The following ZNF148 variants were observed in gnomAD, a reference collection of about 807,000 sequenced individuals.
The protein encoded by ZNF148 is zinc finger protein 148.
Under a neutral mutation model 67.7 loss-of-function variants are expected in ZNF148, and 7 were observed. That is an observed-to-expected ratio of 0.10 (90% confidence interval 0.06 to 0.19). The LOEUF is 0.19. Among genes scored for constraint, ZNF148 ranks in the 10% least tolerant of loss-of-function variants. The pLI, the probability that ZNF148 is intolerant of heterozygous loss-of-function variation, is 1.00. For synonymous variants in ZNF148, 333 were observed against 330.7 expected (o/e 1.01, Z -0.08); for missense variants, 583 against 947.1 (o/e 0.62, Z 5.05).
chr3:125,287,484 C>A (rs1326101471), intron 5 of ZNF148, among the ~76,000 whole-genome samples: 3 of 152,010 alleles, frequency 2.0e-5, no homozygotes, highest in African/African-American at 7.2e-5. Context: ...GTAAGAAATT[C>A]AAAAATTAGC....
chr3:125,255,449 G>C (rs576369938), intron 7 of ZNF148, among the ~76,000 whole-genome samples: 51 of 151,914 alleles, frequency 3.4e-4, no homozygotes, highest in African/African-American at 1.2e-3. Context: ...GTTTCCCCAT[G>C]TTGGCCAGGC....
chr3:125,355,943 C>G (rs1942326729), intron 1 of ZNF148, among the ~76,000 whole-genome samples: 1 of 152,118 alleles, frequency 6.6e-6, no homozygotes, highest in Non-Finnish European at 1.5e-5. Flanking sequence ...AGATTAATGA[C>G]ATTAACTTAA....
Position 125,232,278 on chromosome 3 carries a change from GTAACCCCACTC to G in ZNF148, c.*52_*62del, listed in dbSNP as rs1935884202. 6.6e-7 allele frequency: 1 copy of G among 1,510,858 alleles called. No homozygotes were observed. Among genetic ancestry groups the G allele is most frequent in the Non-Finnish European group, 8.8e-7 (1 of 1,130,364 alleles). The allele number at this position is 1,510,858 out of a possible 1,614,324, so 93.6% of individuals were successfully genotyped here. A position where few individuals can be genotyped will look rare whatever the true frequency, so the allele number is the denominator to read the frequency against. ...CTGTACAGCACTCCATTTACACAGA[GTAACCCCACTC>G]TTGATTAATCTGTTCTAAAGTGCCA... On this transcript the variant is annotated 3_prime_UTR_variant, in exon 9 of 9. Coordinates refer to ENST00000360647, the MANE Select transcript of ZNF148 (RefSeq NM_021964.3). This position sits in a 1 kb window ranked among gnomAD's most constrained non-coding sequence, Gnocchi z 4.2.
chr3:125,233,968 T>C lies in ZNF148; in HGVS notation c.787-29A>G, dbSNP rs765517397. 2 of 1,543,654 alleles carry C rather than the reference T, an allele frequency of 1.3e-6. No homozygotes were observed. Among genetic ancestry groups the C allele is most frequent in the Non-Finnish European group, 1.7e-6 (2 of 1,155,190 alleles). On this transcript the variant is annotated intron_variant, in intron 8 of 8. Coordinates refer to ENST00000360647, the MANE Select transcript of ZNF148 (RefSeq NM_021964.3). This position sits in a 1 kb window ranked among gnomAD's most constrained non-coding sequence, Gnocchi z 5.1. ...TTGAATTCAGAGGATGGTAGTGGGT[T>C]GTTTGTGGTTTTGGTCAACCAAGAA...
intron 1 of ZNF148, among the ~76,000 whole-genome samples, chr3:125,340,553 C>T (rs1941670906): frequency 6.6e-6 from 1 of 152,204 alleles, no homozygotes; most frequent in African/African-American, 2.4e-5. Flanking sequence ...GGGGAAACCC[C>T]TTCCAGTGGG....
At chr3:125,237,766 G>T (rs1156829740) in intron 7 of ZNF148, among the ~76,000 whole-genome samples, 2 of 152,214 alleles carry the variant, frequency 1.3e-5, no homozygotes, top group Middle Eastern at 3.4e-3. Flanking sequence ...TCCTCAAACT[G>T]ATCTACAGAT....
intron 5 of ZNF148, among the ~76,000 whole-genome samples, chr3:125,281,079 T>G (rs1314813862): frequency 1.3e-5 from 2 of 152,224 alleles, no homozygotes; most frequent in Non-Finnish European, 2.9e-5. Flanking sequence ...CTATACTATA[T>G]GCAGATCAGT....
At position 125,232,986 on chromosome 3, in the gene ZNF148, C is replaced by A; in HGVS notation, c.1740G>T (p.Glu580Asp). Residue 580 changes from glutamate to aspartate, a missense_variant, in exon 9 of 9, where the codon GAG (glutamate) becomes GAT (aspartate). Physicochemically the swap from Glu to Asp is conservative, Grantham distance 45. This residue lies in a region of ZNF148 where 172 missense variants were observed against 307.7 expected (regional missense o/e 0.56). Coordinates refer to ENST00000360647, the MANE Select transcript of ZNF148 (RefSeq NM_021964.3). This position sits in a 1 kb window ranked among gnomAD's most constrained non-coding sequence, Gnocchi z 4.2. The stretch of plus-strand genomic sequence containing the variant: ...ATCCAACATTCTCTGACGGGGTGAC[C>A]TCTGGTACTTCTGAAGAATTTATTG... ...SISINSSEVP[E>D]VTPSENVGSS... The A allele has an allele frequency of 6.2e-7, 1 of 1,613,752 alleles. No homozygotes were observed. The highest frequency in any genetic ancestry group is 8.5e-7 in the Non-Finnish European group (1 of 1,179,846).
In ZNF148 at chr3:125,261,388, C is replaced by T. The variant is rs76559445; in HGVS notation, c.667+16338G>A. ...ACTGTGGCTTTCTGTTGGAGTAACA[C>T]AGTCAGGTGAATAAAAAGATCATTA... is the stretch of plus-strand genomic sequence containing the variant. On this transcript the variant is annotated intron_variant, in intron 7 of 8. Coordinates refer to ENST00000360647, the MANE Select transcript of ZNF148 (RefSeq NM_021964.3). 1.9e-3 allele frequency among the ~76,000 whole-genome samples: 287 copies of T among 152,256 alleles called. 9 individuals are homozygous for T. In the East Asian group the frequency reaches 0.043, roughly 23 times the overall value.
chr3:125,345,882 C>T (rs1405498930), intron 1 of ZNF148, among the ~76,000 whole-genome samples: 1 of 152,098 alleles, frequency 6.6e-6, no homozygotes, highest in Non-Finnish European at 1.5e-5. Context: ...GCTCAGATGG[C>T]TTCACTGGTG....
intron 1 of ZNF148, among the ~76,000 whole-genome samples, chr3:125,366,282 G>C (rs2107791402): frequency 6.6e-6 from 1 of 152,292 alleles, no homozygotes; most frequent in Non-Finnish European, 1.5e-5. Context: ...TGGGTAAACA[G>C]AAGAGCCAAG....
intron 4 of ZNF148, among the ~76,000 whole-genome samples, chr3:125,290,896 AACAG>A (rs1338324188): frequency 8.5e-5 from 13 of 152,204 alleles, no homozygotes; most frequent in Admixed American, 8.5e-4. Context: ...GGGATGAAAC[AACAG>A]ACAATGACAG....
rs908495715 is a variant in ZNF148, at chr3:125,232,116, A to G, written c.*225T>C. On this transcript the variant is annotated 3_prime_UTR_variant, in exon 9 of 9. Transcript: ENST00000360647. The surrounding 1 kb of genome is among the most constrained non-coding windows in gnomAD (Gnocchi z 4.2). ...GAATAGCAAGTTTCTGATCTAAAAC[A>G]AGTAATGCATTGCTTCTATAAAGGT... is the stretch of plus-strand genomic sequence containing the variant. 1 of 446,566 alleles carries G rather than the reference A, an allele frequency of 2.2e-6. No individual in the cohort carries two copies. Among genetic ancestry groups the G allele is most frequent in the African/African-American group, 2.0e-5 (1 of 49,914 alleles). The allele number at this position is 446,566 out of a possible 1,614,324, so 27.7% of individuals were successfully genotyped here. A position where few individuals can be genotyped will look rare whatever the true frequency, so the allele number is the denominator to read the frequency against.
In ZNF148 at chr3:125,226,354, G is replaced by A. The variant is rs1935631161; in HGVS notation, c.*5987C>T. ...CAGAATATTGTGAAAAATTCAGCTCGAAAATTATCCATAAAACTGTATTCT... is the reference window on the plus strand; with the variant it reads ...CAGAATATTGTGAAAAATTCAGCTCAAAAATTATCCATAAAACTGTATTCT... On this transcript the variant is annotated 3_prime_UTR_variant, in exon 9 of 9. Coordinates refer to ENST00000360647, the MANE Select transcript of ZNF148 (RefSeq NM_021964.3). 1.3e-5 allele frequency: 2 copies of A among 152,298 alleles called. No homozygotes were observed. Among genetic ancestry groups the A allele is most frequent in the East Asian group, 3.9e-4 (2 of 5,192 alleles). The allele number at this position is 152,298 out of a possible 1,614,324, so 9.4% of individuals were successfully genotyped here.
intron 7 of ZNF148, among the ~76,000 whole-genome samples, chr3:125,252,059 C>T (rs1288574800): frequency 2.0e-5 from 3 of 152,192 alleles, no homozygotes; most frequent in Non-Finnish European, 4.4e-5. Flanking sequence ...CCTTTTCATA[C>T]ATCTAACCAT....
At chr3:125,265,726 A>C (rs1249342783) in intron 7 of ZNF148, among the ~76,000 whole-genome samples, 1 of 152,190 alleles carries the variant, frequency 6.6e-6, no homozygotes, top group Non-Finnish European at 1.5e-5. Flanking sequence ...AAGAATATAT[A>C]TGATTGATTT....
At chr3:125,249,445 G>C (rs1936740398) in intron 7 of ZNF148, among the ~76,000 whole-genome samples, 1 of 151,970 alleles carries the variant, frequency 6.6e-6, no homozygotes, top group Non-Finnish European at 1.5e-5. Flanking sequence ...AATCATCAGG[G>C]AAATGCAAGT....
chr3:125,317,713 A>ATTT (rs71625788), intron 3 of ZNF148, among the ~76,000 whole-genome samples: 7 of 134,576 alleles, frequency 5.2e-5, no homozygotes, highest in African/African-American at 1.7e-4. Flanking sequence ...ATATATATAT[A>ATTT]TTTTTTTTTT....
intron 7 of ZNF148, among the ~76,000 whole-genome samples, chr3:125,247,983 T>G (rs1290796531): frequency 6.6e-6 from 1 of 152,156 alleles, no homozygotes; most frequent in African/African-American, 2.4e-5. Flanking sequence ...CTTCCACATC[T>G]CACTTTTCTA....
Sources: gnomAD v4.1 joint callset for allele counts (sites outside exome capture counted in the v4.1 genomes callset) on GRCh38, gnomAD v4.1.1 for gene constraint, gnomAD v4.1.1 regional missense constraint, Gnocchi (gnomAD v3.1) non-coding constraint, MANE v1.5 for transcripts, NCBI Gene and HGNC (gene_info 2026-07-23, HGNC 2026-07-21) for gene names.